Variants in HOOK1 observed in about 807,000 individuals in gnomAD.
The protein encoded by HOOK1 is hook microtubule tethering protein 1, also known as protein Hook homolog 1.
In HOOK1, 60 loss-of-function variants were observed where a neutral mutation model predicts 112.8. That is an observed-to-expected ratio of 0.53 (90% CI 0.43 to 0.66). The LOEUF is 0.66. Among genes scored for constraint, HOOK1 ranks in the 30% least tolerant of loss-of-function variants. The probability of loss-of-function intolerance (pLI) is 0.00; values close to 1 mark genes in which losing one functional copy is unlikely to be tolerated. For missense variants in HOOK1, 770 were observed against 856.0 expected (o/e 0.90, Z 1.25); for synonymous variants, 294 against 283.8 (o/e 1.04, Z -0.36).
intron 12 of HOOK1, among the ~76,000 whole-genome samples, chr1:59,855,965 A>T (rs1257098386): frequency 0.019 from 1,401 of 74,258 alleles, 45 homozygotes; most frequent in African/African-American, 0.036. Flanking sequence ...TATATAAATT[A>T]TTATATATAT....
chr1:59,858,303 A>T (rs548675694), intron 12 of HOOK1, 125 bp from the exon 13 acceptor site: 21 of 684,510 alleles, frequency 3.1e-5, no homozygotes, highest in Admixed American at 1.7e-4. Flanking sequence ...AGCTTCTTAA[A>T]ACTAAAACAT....
chr1:59,851,996 C>T (rs1414959961), intron 12 of HOOK1, among the ~76,000 whole-genome samples: 1 of 151,548 alleles, frequency 6.6e-6, no homozygotes, highest in Non-Finnish European at 1.5e-5. Flanking sequence ...TTAAACCGAT[C>T]TTGCATTATT....
At chr1:59,822,557 T>C (rs550851208) in intron 2 of HOOK1, among the ~76,000 whole-genome samples, 1 of 152,290 alleles carries the variant, frequency 6.6e-6, no homozygotes, top group African/African-American at 2.4e-5. Flanking sequence ...AATCCATTTT[T>C]CCCCTAATAT....
At position 59,836,891 on chromosome 1, in the gene HOOK1, T is replaced by C. The variant is rs2098398084; in HGVS notation, c.493T>C (p.Leu165=). 13 of 1,589,370 alleles carry C rather than the reference T, an allele frequency of 8.2e-6. No homozygotes were observed. The highest frequency in any genetic ancestry group is 1.1e-5 in the Non-Finnish European group (13 of 1,160,972). The change falls in exon 7 of 22, where the codon TTG becomes CTG. Residue 165 remains leucine, a synonymous_variant. Transcript: ENST00000371208. ...AIQELMSKEI[L]SSPPNDAVGE... ...TTCCTAGTTGATGAGTAAAGAAATA[T>C]TGAGCTCTCCTCCAAATGATGCTGT...
At chr1:59,857,431 C>T (rs1286801702) in intron 12 of HOOK1, among the ~76,000 whole-genome samples, 1 of 152,210 alleles carries the variant, frequency 6.6e-6, no homozygotes, top group South Asian at 2.1e-4. Context: ...TAAATGCTCA[C>T]CAGACTGTTG....
chr1:59,865,388 G>A, intron 18 of HOOK1, 143 bp downstream of exon 18: 1 of 496,132 alleles, frequency 2.0e-6, no homozygotes, highest in Non-Finnish European at 3.6e-6. Flanking sequence ...ATAATTTTTA[G>A]TGCTGAAGTC....
chr1:59,828,500 T>C (rs2098391529), intron 2 of HOOK1, among the ~76,000 whole-genome samples: 1 of 152,168 alleles, frequency 6.6e-6, no homozygotes, highest in Admixed American at 6.5e-5. Flanking sequence ...GAGTAGAAAC[T>C]CATTAAAATG....
intron 9 of HOOK1, among the ~76,000 whole-genome samples, chr1:59,844,915 C>T: frequency 6.6e-6 from 1 of 152,064 alleles, no homozygotes. Flanking sequence ...CACCTTGAAA[C>T]TTGTATCTTA....
intron 12 of HOOK1, among the ~76,000 whole-genome samples, chr1:59,852,611 T>C (rs1008343802): frequency 8.6e-5 from 13 of 151,502 alleles, no homozygotes; most frequent in African/African-American, 3.1e-4. Flanking sequence ...CTTGTGGTTT[T>C]AAAATTTGTT....
At chr1:59,821,833 GATC>G (rs1202938946) in intron 1 of HOOK1, 22 bp from the exon 2 acceptor site, 1 of 1,519,630 alleles carries the variant, frequency 6.6e-7, no homozygotes, top group African/African-American at 1.4e-5. Flanking sequence ...GAAGCAGTAA[GATC>G]ATTTGATTTA....
rs1216966680 is a variant in HOOK1, at chr1:59,855,966, TTA to T, written c.1243-2444_1243-2443del. Among the ~76,000 whole-genome samples, 280 of 71,240 alleles carry T rather than the reference TTA, an allele frequency of 3.9e-3. 4 individuals carry two copies. Among genetic ancestry groups the T allele is most frequent in the African/African-American group, 0.013 (196 of 15,062 alleles). The allele number at this position is 71,240 out of a possible 152,430, so 46.7% of individuals were successfully genotyped here. ...TTTATATATATATATATATAAATTA[TTA>T]TATATATATATATATATTTTTTTTT... On this transcript the variant is annotated intron_variant, in intron 12 of 21. Coordinates refer to ENST00000371208, the MANE Select transcript of HOOK1 (RefSeq NM_015888.6).
chr1:59,845,253 CT>C lies in HOOK1; in HGVS notation c.788+1657del, dbSNP rs1354300746. On this transcript the variant is annotated intron_variant, in intron 9 of 21. Transcript: ENST00000371208. ...GGACAGAGCCCTCATAACTTAATCACTTCCCAAACGGCCCCACCTCTTAATA... is the reference window on the plus strand; with the variant it reads ...GGACAGAGCCCTCATAACTTAATCACTCCCAAACGGCCCCACCTCTTAATA... 3.3e-5 allele frequency among the ~76,000 whole-genome samples: 5 copies of C among 151,996 alleles called. No homozygotes were observed. In the South Asian group the frequency reaches 8.3e-4, roughly 25 times the overall value.
chr1:59,848,284 G>T (rs769133006), intron 10 of HOOK1, 31 bp from the exon 11 acceptor site: 2 of 1,509,782 alleles, frequency 1.3e-6, no homozygotes, highest in Admixed American at 1.7e-5. Flanking sequence ...ACTAGTTTTT[G>T]TACAGTAATG....
chr1:59,862,503 G>GC (rs1417182768), intron 15 of HOOK1, among the ~76,000 whole-genome samples: 1 of 152,104 alleles, frequency 6.6e-6, no homozygotes. Context: ...TTTTCTACCA[G>GC]TGAGTGCGGT....
intron 5 of HOOK1, among the ~76,000 whole-genome samples, chr1:59,835,056 A>G (rs2098396581): frequency 6.6e-6 from 1 of 152,194 alleles, no homozygotes; most frequent in Non-Finnish European, 1.5e-5. Flanking sequence ...TCCTAGATAC[A>G]TAACTTTTTA....
intron 7 of HOOK1, among the ~76,000 whole-genome samples, chr1:59,839,775 A>G (rs1049072496): frequency 2.0e-5 from 3 of 152,176 alleles, no homozygotes; most frequent in African/African-American, 7.2e-5. Context: ...GCCAGTTTTC[A>G]AAGGGAATGC....
chr1:59,824,481 C>T (rs535100609), intron 2 of HOOK1, among the ~76,000 whole-genome samples: 14 of 152,214 alleles, frequency 9.2e-5, no homozygotes, highest in Non-Finnish European at 2.1e-4. Context: ...GCTGGGATTA[C>T]AGGCGTGAGC....
chr1:59,835,361 A>G lies in HOOK1; in HGVS notation c.423A>G (p.Ile141Met), dbSNP rs2098396842. The change falls in exon 6 of 22, where the codon ATA (isoleucine) becomes ATG (methionine). Residue 141 changes from isoleucine (I) to methionine (M), a missense_variant. Physicochemically the swap from Ile to Met is conservative, Grantham distance 10 (BLOSUM62 1). This residue lies in a region of HOOK1 where 655 missense variants were observed against 725.9 expected (regional missense o/e 0.90). Transcript: ENST00000371208. ...AAATCATAGAACATATTCAAAATAT[A>G]ATGACACTGGAAGAGTCTGTTCAAC... is the stretch of plus-strand genomic sequence containing the variant. ...CEKKQEHIQN[I>M]MTLEESVQHV... 1 of 1,584,150 alleles carries G rather than the reference A, an allele frequency of 6.3e-7. No homozygotes were observed. The highest frequency in any genetic ancestry group is 1.1e-5 in the South Asian group (1 of 89,966).
At chr1:59,823,164 C>A (rs1457511125) in intron 2 of HOOK1, among the ~76,000 whole-genome samples, 1 of 151,966 alleles carries the variant, frequency 6.6e-6, no homozygotes, top group Non-Finnish European at 1.5e-5. Flanking sequence ...ACTAAAAATA[C>A]AAAAAATTAG....
Sources: allele counts gnomAD v4.1 joint callset (sites outside exome capture counted in the v4.1 genomes callset), GRCh38; gene constraint gnomAD v4.1.1; regional missense constraint gnomAD v4.1.1; transcripts MANE v1.5; gene names NCBI Gene and HGNC (gene_info 2026-07-23, HGNC 2026-07-21).